Variants in ADAM22 observed in about 807,000 individuals in gnomAD.
ADAM22 encodes ADAM metallopeptidase domain 22, also known as disintegrin and metalloproteinase domain-containing protein 22.
A neutral mutation model predicts 144.6 loss-of-function variants in ADAM22; 65 were observed. That is an observed-to-expected ratio of 0.45 (90% CI 0.37 to 0.55). ADAM22 has a LOEUF of 0.55. ADAM22 is among the 20% of genes least tolerant of loss of function. The pLI, the probability that ADAM22 is intolerant of heterozygous loss-of-function variation, is 0.00. For synonymous variants in ADAM22, 391 were observed against 412.6 expected, an observed-to-expected ratio of 0.95 and a Z score of 0.63; for missense variants, 974 against 1,184.9, an observed-to-expected ratio of 0.82 and a Z score of 2.61.
intron 4 of ADAM22, among the ~76,000 whole-genome samples, chr7:88,081,163 C>T (rs1816479968): frequency 6.6e-6 from 1 of 152,116 alleles, no homozygotes; most frequent in Non-Finnish European, 1.5e-5. Flanking sequence ...GGCTTCATCC[C>T]TGGGATGCAA....
At chr7:88,098,339 C>T (rs575705243) in intron 4 of ADAM22, among the ~76,000 whole-genome samples, 12 of 152,150 alleles carry the variant, frequency 7.9e-5, no homozygotes, top group African/African-American at 2.4e-4. Context: ...ACCACTGAAC[C>T]AAGCTTCTTA....
Position 88,200,101 on chromosome 7 carries a change from G to T in ADAM22, c.*3610G>T, listed in dbSNP as rs1315958580. ...TACCTGTTACCTTTTTTGGGATTTT[G>T]TTCTTTATGTTTTACAGTTACCTTC... On this transcript the variant is annotated 3_prime_UTR_variant, in exon 32 of 32. Transcript: ENST00000413139. 6.6e-6 allele frequency: 1 copy of T among 152,026 alleles called. No individual in the cohort carries two copies. Among genetic ancestry groups the T allele is most frequent in the African/African-American group, 2.4e-5 (1 of 41,386 alleles). 9.4% of individuals were successfully genotyped at this position (152,026 alleles called of 1,614,324 possible).
rs950420321 is a variant in ADAM22, at chr7:88,028,979, T to G, written c.324-46647T>G. ...ATTAAGCCACTCAATGCCATTTTAA[T>G]TTTTTTAATTTTATTTTTTGTGGAT... On this transcript the variant is annotated intron_variant, in intron 3 of 31. Coordinates refer to ENST00000413139, the MANE Select transcript of ADAM22 (RefSeq NM_001324418.2). Among the ~76,000 whole-genome samples the G allele has an allele frequency of 5.9e-5, 9 of 152,170 alleles. No homozygotes were observed. The East Asian group carries it at 1.7e-3, about 29-fold the overall frequency.
intron 3 of ADAM22, among the ~76,000 whole-genome samples, chr7:87,990,551 A>T (rs969282704): frequency 6.6e-6 from 1 of 152,050 alleles, no homozygotes; most frequent in Non-Finnish European, 1.5e-5. Context: ...TTCCCTCCCC[A>T]CTATTGGAAA....
rs752476900 is a variant in ADAM22 at position 88,114,693 on chromosome 7, T to C, written c.537+46T>C. On this transcript the variant is annotated intron_variant, in intron 6 of 31. Transcript: ENST00000413139. ...TTGTGGCAAATGGAAATGTTTATGC[T>C]GAGAGCTTTTTTCCTCTCCTTTTTT... 5 of 1,577,030 alleles carry C rather than the reference T, an allele frequency of 3.2e-6. No individual in the cohort carries two copies. In the Admixed American group the frequency reaches 7.1e-5, roughly 22 times the overall value.
chr7:88,154,755 TTA>T (rs1839436970), intron 21 of ADAM22, among the ~76,000 whole-genome samples: 1 of 152,158 alleles, frequency 6.6e-6, no homozygotes. Context: ...GCATTTTTGT[TTA>T]TGATAGATAC....
chr7:88,074,709 A>C (rs1813750038), intron 3 of ADAM22, among the ~76,000 whole-genome samples: 2 of 152,238 alleles, frequency 1.3e-5, no homozygotes, highest in Non-Finnish European at 2.9e-5. Flanking sequence ...CAGATAATAC[A>C]GGATTATGGT....
intron 31 of ADAM22, among the ~76,000 whole-genome samples, chr7:88,195,538 T>C (rs1402755373): frequency 6.6e-6 from 1 of 152,124 alleles, no homozygotes; most frequent in East Asian, 1.9e-4. Context: ...TTATTTGAGA[T>C]GGAGTCTCGC....
chr7:88,008,096 G>A (rs894891702), intron 3 of ADAM22, among the ~76,000 whole-genome samples: 4 of 151,952 alleles, frequency 2.6e-5, no homozygotes, highest in African/African-American at 4.8e-5. Context: ...AAAGGACATG[G>A]ACAGACACTT....
chr7:87,966,734 T>G (rs893421273), intron 2 of ADAM22, among the ~76,000 whole-genome samples: 2 of 131,624 alleles, frequency 1.5e-5, no homozygotes, highest in Non-Finnish European at 1.6e-5. Context: ...TTTTTTTTTT[T>G]TTTTTTTTTT....
intron 7 of ADAM22, among the ~76,000 whole-genome samples, chr7:88,119,328 C>T (rs922590797): frequency 6.6e-6 from 1 of 152,222 alleles, no homozygotes; most frequent in Non-Finnish European, 1.5e-5. Context: ...TGCCTCCCAC[C>T]TCTGCCATTC....
chr7:88,162,733 T>G lies in ADAM22; in HGVS notation c.1908-279T>G, dbSNP rs17150290. 5.1e-3 allele frequency among the ~76,000 whole-genome samples: 782 copies of G among 152,202 alleles called. 11 individuals carry two copies. The highest frequency in any genetic ancestry group is 0.018 in the African/African-American group (750 of 41,552). ...TACTAGTAATAATGCCTTACTTACC[T>G]TTTGCTTGGTAGCCCAGGTGAAATG... On this transcript the variant is annotated intron_variant, in intron 22 of 31. Coordinates refer to ENST00000413139, the MANE Select transcript of ADAM22 (RefSeq NM_001324418.2).
intron 5 of ADAM22, among the ~76,000 whole-genome samples, chr7:88,113,168 C>G (rs1383028673): frequency 8.3e-6 from 1 of 120,792 alleles, no homozygotes; most frequent in Non-Finnish European, 1.7e-5. Flanking sequence ...CACTCCATTA[C>G]CTCTTTTTTT....
intron 24 of ADAM22, 42 bp from the exon 25 acceptor site, chr7:88,168,095 T>A: frequency 6.4e-7 from 1 of 1,562,654 alleles, no homozygotes; most frequent in East Asian, 2.3e-5. Context: ...CTGAAAGGAT[T>A]TTATACCACT....
intron 3 of ADAM22, among the ~76,000 whole-genome samples, chr7:87,992,391 A>G (rs1790120355): frequency 6.6e-6 from 1 of 152,232 alleles, no homozygotes; most frequent in Non-Finnish European, 1.5e-5. Flanking sequence ...TGACTGCACT[A>G]ACAAAGGGGG....
At chr7:88,082,386 A>G (rs2129483201) in intron 4 of ADAM22, among the ~76,000 whole-genome samples, 1 of 152,310 alleles carries the variant, frequency 6.6e-6, no homozygotes, top group East Asian at 1.9e-4. Flanking sequence ...TAAAAACCCT[A>G]GAAGAAAACC....
intron 4 of ADAM22, among the ~76,000 whole-genome samples, chr7:88,084,607 T>G (rs1433687454): frequency 2.0e-5 from 3 of 152,214 alleles, no homozygotes; most frequent in Non-Finnish European, 4.4e-5. Context: ...GCTTAGCTCT[T>G]TGAGATGTTT....
At chr7:88,045,406 A>G (rs1057281240) in intron 3 of ADAM22, among the ~76,000 whole-genome samples, 2 of 151,404 alleles carry the variant, frequency 1.3e-5, no homozygotes, top group Non-Finnish European at 1.5e-5. Context: ...TTGCTTTCCC[A>G]CCCAGCTTTA....
At chr7:87,986,007 T>G (rs755321482) in intron 3 of ADAM22, among the ~76,000 whole-genome samples, 7 of 152,172 alleles carry the variant, frequency 4.6e-5, no homozygotes, top group Non-Finnish European at 8.8e-5. Context: ...GTTTTCAGTT[T>G]CATGTCTCCT....
Sources: allele counts gnomAD v4.1 joint callset (sites outside exome capture counted in the v4.1 genomes callset), GRCh38; gene constraint gnomAD v4.1.1; transcripts MANE v1.5; gene names NCBI Gene and HGNC (gene_info 2026-07-23, HGNC 2026-07-21).